Variants in FGGY observed in about 807,000 individuals in gnomAD.
FGGY encodes the protein FGGY carbohydrate kinase domain-containing protein.
Under a neutral mutation model 71.3 loss-of-function variants are expected in FGGY, and 72 were observed. The observed-to-expected ratio is 1.01, with a 90% CI of 0.84 to 1.23. The LOEUF (loss-of-function observed/expected upper bound fraction) is 1.23, where lower values mean the gene tolerates loss of function less well. FGGY is among the 50% of genes most tolerant of loss of function. The pLI, the probability that FGGY is intolerant of heterozygous loss-of-function variation, is 0.00. For synonymous variants in FGGY, 251 were observed against 250.3 expected, an observed-to-expected ratio of 1.00 and a Z score of -0.02; for missense variants, 668 against 682.3, an observed-to-expected ratio of 0.98 and a Z score of 0.23.
intron 10 of FGGY, among the ~76,000 whole-genome samples, chr1:59,634,558 T>C (rs1214389987): frequency 6.6e-6 from 1 of 152,154 alleles, no homozygotes; most frequent in Non-Finnish European, 1.5e-5. Flanking sequence ...CACCATACTC[T>C]CTGGGCAGCC....
intron 7 of FGGY, among the ~76,000 whole-genome samples, chr1:59,516,954 T>C (rs2094671848): frequency 6.6e-6 from 1 of 152,126 alleles, no homozygotes; most frequent in Non-Finnish European, 1.5e-5. Context: ...CCCATGCTTT[T>C]CCCAGTTCTG....
intron 1 of FGGY, among the ~76,000 whole-genome samples, chr1:59,317,173 A>G (rs1457381593): frequency 6.6e-6 from 1 of 152,246 alleles, no homozygotes; most frequent in Non-Finnish European, 1.5e-5. Context: ...TCTGCAGCTC[A>G]GAGCTCAATA....
intron 6 of FGGY, among the ~76,000 whole-genome samples, chr1:59,483,018 C>T (rs557397653): frequency 5.1e-4 from 77 of 152,198 alleles, no homozygotes; most frequent in African/African-American, 1.7e-3. Flanking sequence ...TTCTCTGGAG[C>T]GATTAAGAAC....
At chr1:59,573,717 G>A (rs2096029032) in intron 8 of FGGY, among the ~76,000 whole-genome samples, 2 of 152,088 alleles carry the variant, frequency 1.3e-5, no homozygotes, top group African/African-American at 4.8e-5. Context: ...ACCACTCATT[G>A]TGCCCCATAT....
intron 7 of FGGY, among the ~76,000 whole-genome samples, chr1:59,532,683 GAAAA>G (rs1229484243): frequency 6.6e-6 from 1 of 151,650 alleles, no homozygotes; most frequent in African/African-American, 2.4e-5. Context: ...TATCAACAAA[GAAAA>G]AAACATAATG....
At chr1:59,546,354 A>G (rs1421682313) in intron 7 of FGGY, among the ~76,000 whole-genome samples, 2 of 140,534 alleles carry the variant, frequency 1.4e-5, no homozygotes, top group Non-Finnish European at 3.1e-5. Context: ...TCATATATCT[A>G]GTAAATGTCT....
At chr1:59,744,331 C>T (rs549476337) in intron 14 of FGGY, among the ~76,000 whole-genome samples, 1 of 152,310 alleles carries the variant, frequency 6.6e-6, no homozygotes, top group South Asian at 2.1e-4. Flanking sequence ...AGCGATTCTC[C>T]TGCCTCAGCC....
In FGGY at chr1:59,537,287, C is replaced by A. The variant is rs546625436; in HGVS notation, c.800-16837C>A. ...ATAAAATAGCTAGGAATCCAACTTA[C>A]AAGGGATGTGAAGGACCTCTTCAAG... On this transcript the variant is annotated intron_variant, in intron 7 of 15. Coordinates refer to ENST00000303721, the MANE Select transcript of FGGY (RefSeq NM_018291.5). Among the ~76,000 whole-genome samples the A allele has an allele frequency of 2.0e-5, 3 of 152,154 alleles. No individual in the cohort carries two copies. The East Asian group carries it at 5.8e-4, about 29-fold the overall frequency.
chr1:59,407,646 C>T (rs1449607185), intron 5 of FGGY, among the ~76,000 whole-genome samples: 1 of 152,182 alleles, frequency 6.6e-6, no homozygotes. Context: ...TCTTTCCATT[C>T]ACTTCTTCAC....
chr1:59,687,970 A>G (rs1353037207), intron 14 of FGGY, among the ~76,000 whole-genome samples: 1 of 152,178 alleles, frequency 6.6e-6, no homozygotes, highest in Non-Finnish European at 1.5e-5. Flanking sequence ...AGCCAACTGG[A>G]GAAGGGATGG....
intron 14 of FGGY, among the ~76,000 whole-genome samples, chr1:59,739,982 G>C (rs917503925): frequency 6.6e-6 from 1 of 152,152 alleles, no homozygotes; most frequent in South Asian, 2.1e-4. Flanking sequence ...GTTGACGCAG[G>C]TTAGCTACAT....
At chr1:59,594,787 T>C (rs1440574) in intron 8 of FGGY, among the ~76,000 whole-genome samples, 24,108 of 152,206 alleles carry the variant, frequency 0.16, 2,366 homozygotes, top group South Asian at 0.35. Context: ...GAGGGTTCTG[T>C]GGGAATTCAC....
chr1:59,440,397 A>T (rs2153476302), intron 5 of FGGY, among the ~76,000 whole-genome samples: 1 of 152,124 alleles, frequency 6.6e-6, no homozygotes, highest in East Asian at 1.9e-4. Flanking sequence ...GGGGCCTCTG[A>T]TCTCTTTTGT....
chr1:59,698,292 G>A (rs1273552851), intron 14 of FGGY, among the ~76,000 whole-genome samples: 2 of 152,066 alleles, frequency 1.3e-5, no homozygotes, highest in Non-Finnish European at 2.9e-5. Context: ...ACACTGAGTA[G>A]AACTCTATTA....
At chr1:59,756,382 A>T (rs2098291383) in intron 14 of FGGY, among the ~76,000 whole-genome samples, 1 of 152,254 alleles carries the variant, frequency 6.6e-6, no homozygotes. Flanking sequence ...GGAAGAGTCC[A>T]TAGAGCAACC....
chr1:59,375,966 G>A (rs937315198), intron 4 of FGGY, among the ~76,000 whole-genome samples: 3 of 150,142 alleles, frequency 2.0e-5, no homozygotes, highest in African/African-American at 7.4e-5. Context: ...GTGGTTTGGC[G>A]GTTCATATCT....
At chr1:59,377,163 A>G (rs529605370) in intron 4 of FGGY, among the ~76,000 whole-genome samples, 7 of 152,192 alleles carry the variant, frequency 4.6e-5, no homozygotes, top group African/African-American at 1.4e-4. Flanking sequence ...CAATCATCCA[A>G]TGTCATGGTG....
intron 11 of FGGY, among the ~76,000 whole-genome samples, chr1:59,652,461 C>G (rs1173270497): frequency 6.9e-6 from 1 of 145,014 alleles, no homozygotes; most frequent in Admixed American, 6.9e-5. Context: ...TCTTTTTATT[C>G]TTTTTTCTCT....
chr1:59,668,819 C>A (rs1351517579), intron 13 of FGGY, among the ~76,000 whole-genome samples: 2 of 150,742 alleles, frequency 1.3e-5, no homozygotes, highest in Non-Finnish European at 3.0e-5. Flanking sequence ...CCCATCTCTA[C>A]TAAAAATACA....
Sources: gnomAD v4.1 joint callset for allele counts (sites outside exome capture counted in the v4.1 genomes callset) on GRCh38, gnomAD v4.1.1 for gene constraint, MANE v1.5 for transcripts, NCBI Gene and HGNC (gene_info 2026-07-23, HGNC 2026-07-21) for gene names.